Variants in HIPK2 observed in about 807,000 individuals in gnomAD.
The protein encoded by HIPK2 is homeodomain-interacting protein kinase 2.
HIPK2 carries 27 observed loss-of-function variants against 113.7 expected under a neutral mutation model. That is an observed-to-expected ratio of 0.24 (90% CI 0.17 to 0.33). The LOEUF (loss-of-function observed/expected upper bound fraction) is 0.33. HIPK2 is among the 10% of genes least tolerant of loss of function. HIPK2 has a pLI of 1.00. For synonymous variants in HIPK2, 631 were observed against 642.2 expected (o/e 0.98, Z 0.26); for missense variants, 1,257 against 1,588.0 (o/e 0.79, Z 3.54).
Position 139,654,339 on chromosome 7 carries a change from T to C in HIPK2, c.1104-22614A>G, listed in dbSNP as rs373679865. The stretch of plus-strand genomic sequence containing the variant: ...CCAGCCTGGGCAACACAGCGAGACT[T>C]TGTCTACAAAAAAAAATCAAAACAT... On this transcript the variant is annotated intron_variant, in intron 2 of 14. Coordinates refer to ENST00000406875, the MANE Select transcript of HIPK2 (RefSeq NM_022740.5). Among the ~76,000 whole-genome samples, 619 of 151,236 alleles carry C rather than the reference T, an allele frequency of 4.1e-3. 7 individuals carry two copies. The highest frequency in any genetic ancestry group is 0.014 in the African/African-American group (580 of 40,900).
intron 6 of HIPK2, among the ~76,000 whole-genome samples, chr7:139,621,750 T>C (rs1048052794): frequency 2.6e-5 from 4 of 151,914 alleles, no homozygotes; most frequent in East Asian, 3.9e-4. Flanking sequence ...GGAGATCCTA[T>C]TCTCTACAAA....
chr7:139,722,688 C>G (rs1795449852), intron 1 of HIPK2, among the ~76,000 whole-genome samples: 1 of 151,798 alleles, frequency 6.6e-6, no homozygotes, highest in South Asian at 2.1e-4. Flanking sequence ...CGTCCTACTG[C>G]CGGTTGGACG....
chr7:139,667,483 T>C (rs1373273407), intron 2 of HIPK2, among the ~76,000 whole-genome samples: 1 of 152,196 alleles, frequency 6.6e-6, no homozygotes, highest in Admixed American at 6.5e-5. Context: ...ACATACATAG[T>C]TTTTAATTAA....
Position 139,562,153 on chromosome 7 carries a change from T to C in HIPK2, c.*10774A>G, listed in dbSNP as rs983593376. 19 of 152,136 alleles carry C rather than the reference T, an allele frequency of 1.2e-4. No individual in the cohort carries two copies. Among genetic ancestry groups the C allele is most frequent in the South Asian group, 2.1e-4 (1 of 4,826 alleles). The allele number at this position is 152,136 out of a possible 1,614,324, so 9.4% of individuals were successfully genotyped here. ...AAATAAAAAAGAGGGACAATTCACA[T>C]AGGAAAAAGAGGTACACGAGAAAAT... is the stretch of plus-strand genomic sequence containing the variant. On this transcript the variant is annotated 3_prime_UTR_variant, in exon 15 of 15. Coordinates refer to ENST00000406875, the MANE Select transcript of HIPK2 (RefSeq NM_022740.5).
chr7:139,692,678 T>C (rs76498786), intron 2 of HIPK2, among the ~76,000 whole-genome samples: 5,298 of 152,290 alleles, frequency 0.035, 116 homozygotes, highest in Non-Finnish European at 0.05. Context: ...AGTCACATTT[T>C]CCAATTTATT....
chr7:139,770,506 A>C (rs1796631115), intron 1 of HIPK2, among the ~76,000 whole-genome samples: 1 of 152,248 alleles, frequency 6.6e-6, no homozygotes, highest in South Asian at 2.1e-4. Flanking sequence ...ATTAGTGTGA[A>C]GGAAAATGGT....
intron 1 of HIPK2, among the ~76,000 whole-genome samples, chr7:139,757,985 T>C (rs1796389512): frequency 6.6e-6 from 1 of 152,230 alleles, no homozygotes; most frequent in African/African-American, 2.4e-5. Flanking sequence ...AAAACTTTTA[T>C]ACATTACTAA....
intron 2 of HIPK2, among the ~76,000 whole-genome samples, chr7:139,688,220 T>C (rs9690295): frequency 0.33 from 50,964 of 152,138 alleles, 10,055 homozygotes; most frequent in Non-Finnish European, 0.45. Context: ...TCCTCTTTCG[T>C]GACCACGTGA....
rs540219857 is a variant in HIPK2, at chr7:139,586,744, G to A, written c.2718-2680C>T. Among the ~76,000 whole-genome samples the A allele has an allele frequency of 6.3e-4, 95 of 151,948 alleles. 1 individual carries two copies. The highest frequency in any genetic ancestry group is 4.0e-3 in the South Asian group (19 of 4,800). ...ACTGCACTCCAGCCTGGGTGTCAGA[G>A]TGAAACCCTGTCTCCAAAAAAAAAA... On this transcript the variant is annotated intron_variant, in intron 12 of 14. Transcript: ENST00000406875.
intron 1 of HIPK2, among the ~76,000 whole-genome samples, chr7:139,722,701 T>A (rs1472572972): frequency 6.6e-6 from 1 of 151,946 alleles, no homozygotes; most frequent in East Asian, 1.9e-4. Context: ...GTTGGACGTA[T>A]GCTTACCCTG....
intron 2 of HIPK2, among the ~76,000 whole-genome samples, chr7:139,705,463 G>A (rs1421168105): frequency 1.3e-5 from 2 of 151,592 alleles, no homozygotes; most frequent in African/African-American, 2.4e-5. Context: ...TGCAAGCTCC[G>A]CCTCCTGGGT....
Position 139,624,712 on chromosome 7 carries a change from C to T in HIPK2, c.1619+1889G>A, listed in dbSNP as rs73735028. 9.4e-3 allele frequency among the ~76,000 whole-genome samples: 1,434 copies of T among 152,280 alleles called. 22 individuals carry two copies. The highest frequency in any genetic ancestry group is 0.032 in the African/African-American group (1,315 of 41,538). On this transcript the variant is annotated intron_variant, in intron 6 of 14. Transcript: ENST00000406875. ...CCCTTTGGGCAAAGTCTCCAATAGA[C>T]ATCATTCTGGATTACAGTTACTCTC...
chr7:139,656,553 G>A (rs746343633), intron 2 of HIPK2, among the ~76,000 whole-genome samples: 4 of 151,896 alleles, frequency 2.6e-5, no homozygotes, highest in Non-Finnish European at 4.4e-5. Context: ...CTTTCCCTCC[G>A]TCCAATCCAA....
intron 1 of HIPK2, among the ~76,000 whole-genome samples, chr7:139,758,030 G>A (rs66985026): frequency 0.36 from 54,887 of 152,056 alleles, 13,792 homozygotes; most frequent in African/African-American, 0.71. Context: ...AGAAAACATT[G>A]TCTTTGACGG....
chr7:139,637,735 T>C (rs1331695249), intron 2 of HIPK2, among the ~76,000 whole-genome samples: 3 of 152,142 alleles, frequency 2.0e-5, no homozygotes, highest in Admixed American at 6.5e-5. Context: ...TTATTAAATA[T>C]AAGAAAGTGT....
chr7:139,656,388 T>A (rs1221189373), intron 2 of HIPK2, among the ~76,000 whole-genome samples: 1 of 152,236 alleles, frequency 6.6e-6, no homozygotes, highest in Non-Finnish European at 1.5e-5. Flanking sequence ...AGAGTCATCT[T>A]TGCTTATCAC....
At chr7:139,638,099 A>T (rs985258155) in intron 2 of HIPK2, among the ~76,000 whole-genome samples, 3 of 152,116 alleles carry the variant, frequency 2.0e-5, no homozygotes, top group African/African-American at 7.2e-5. Flanking sequence ...CATTGTCATT[A>T]CGCCCTCTAG....
chr7:139,648,786 C>T (rs1294263201), intron 2 of HIPK2, among the ~76,000 whole-genome samples: 2 of 151,196 alleles, frequency 1.3e-5, no homozygotes, highest in Non-Finnish European at 3.0e-5. Flanking sequence ...GAGGGTGCTG[C>T]GGGTTTTTTT....
At chr7:139,632,249 C>A (rs1438632464) in intron 2 of HIPK2, among the ~76,000 whole-genome samples, 1 of 152,176 alleles carries the variant, frequency 6.6e-6, no homozygotes, top group Non-Finnish European at 1.5e-5. Context: ...CTTCTGAACT[C>A]AAACAATCCT....
Sources: gnomAD v4.1 joint callset for allele counts (sites outside exome capture counted in the v4.1 genomes callset) on GRCh38, gnomAD v4.1.1 for gene constraint, MANE v1.5 for transcripts, NCBI Gene and HGNC (gene_info 2026-07-23, HGNC 2026-07-21) for gene names.